Variants in CHST8 observed in about 807,000 individuals in gnomAD.
CHST8 encodes the protein GALNAC-4-ST1.
A neutral mutation model predicts 15.0 loss-of-function variants in CHST8; 10 were observed. The ratio of observed to expected loss-of-function variants is 0.67; its 90% CI spans 0.41 to 1.13. The LOEUF is 1.13. CHST8 is among the 50% of genes most tolerant of loss of function. CHST8 has a pLI of 0.00. For synonymous variants in CHST8, 259 were observed against 256.6 expected (o/e 1.01, Z -0.09); for missense variants, 634 against 608.2 (o/e 1.04, Z -0.45).
At chr19:33,770,494 T>C (rs1346105506) in intron 3 of CHST8, among the ~76,000 whole-genome samples, 4 of 152,254 alleles carry the variant, frequency 2.6e-5, no homozygotes, top group South Asian at 4.1e-4. Flanking sequence ...TCTAAATAGA[T>C]TCCCCCCAAA....
chr19:33,712,102 T>C (rs936634744), intron 3 of CHST8, among the ~76,000 whole-genome samples: 3 of 152,172 alleles, frequency 2.0e-5, no homozygotes, highest in Non-Finnish European at 4.4e-5. Flanking sequence ...AAAAACCAAC[T>C]TTGGACTTTA....
At chr19:33,757,473 AG>A (rs1568358565) in intron 3 of CHST8, among the ~76,000 whole-genome samples, 11 of 49,010 alleles carry the variant, frequency 2.2e-4, no homozygotes, top group Admixed American at 4.3e-4. Flanking sequence ...AAAGAAAGAA[AG>A]AAAGAAAGAA....
chr19:33,770,388 C>A (rs1974951515), intron 3 of CHST8, among the ~76,000 whole-genome samples: 1 of 152,176 alleles, frequency 6.6e-6, no homozygotes, highest in Non-Finnish European at 1.5e-5. Context: ...TTTGGCAGAG[C>A]CTCAGGACGA....
intron 3 of CHST8, among the ~76,000 whole-genome samples, chr19:33,707,627 T>C (rs934031885): frequency 2.1e-4 from 32 of 152,334 alleles, no homozygotes; most frequent in African/African-American, 7.2e-4. Flanking sequence ...TATTATTCTA[T>C]TACATGGAAT....
At position 33,674,266 on chromosome 19, in the gene CHST8, G is replaced by A. The variant is rs561812116; in HGVS notation, c.-87+6423G>A. The stretch of plus-strand genomic sequence containing the variant: ...GCTGGCCTGTGAAGGGGCCCTGTCA[G>A]CTTATTGCCAGGTGCACTGTCACCT... On this transcript the variant is annotated intron_variant, in intron 2 of 4. Coordinates refer to ENST00000650847, the MANE Select transcript of CHST8 (RefSeq NM_001127895.2). Among the ~76,000 whole-genome samples, 20 of 152,306 alleles carry A rather than the reference G, an allele frequency of 1.3e-4. No homozygotes were observed. The South Asian group carries it at 3.3e-3, about 25-fold the overall frequency.
intron 1 of CHST8, among the ~76,000 whole-genome samples, chr19:33,651,211 T>A (rs1247903701): frequency 6.6e-6 from 1 of 152,204 alleles, no homozygotes; most frequent in Non-Finnish European, 1.5e-5. Flanking sequence ...CCTTTCTGTT[T>A]TCTACTGATT....
intron 1 of CHST8, among the ~76,000 whole-genome samples, chr19:33,622,837 G>A (rs1392249403): frequency 3.3e-5 from 5 of 152,180 alleles, no homozygotes; most frequent in Admixed American, 3.3e-4. Context: ...CCAGGGCACC[G>A]GCCTGTGAGT....
intron 3 of CHST8, among the ~76,000 whole-genome samples, chr19:33,729,496 T>C (rs1259372506): frequency 6.6e-6 from 1 of 152,236 alleles, no homozygotes; most frequent in Non-Finnish European, 1.5e-5. Context: ...TGTTAGACGC[T>C]AGCCTCCAAG....
intron 1 of CHST8, among the ~76,000 whole-genome samples, chr19:33,659,780 C>A (rs1972562219): frequency 6.6e-6 from 1 of 152,098 alleles, no homozygotes; most frequent in African/African-American, 2.4e-5. Flanking sequence ...CCCTGCACTC[C>A]AGCCTGGGTG....
At chr19:33,743,830 C>G (rs1223606955) in intron 3 of CHST8, among the ~76,000 whole-genome samples, 1 of 148,716 alleles carries the variant, frequency 6.7e-6, no homozygotes, top group Admixed American at 6.7e-5. Flanking sequence ...CTCACTCTGT[C>G]GACCAGGCTG....
chr19:33,627,479 C>G (rs977280310), intron 1 of CHST8, among the ~76,000 whole-genome samples: 48 of 152,088 alleles, frequency 3.2e-4, no homozygotes, highest in African/African-American at 1.0e-3. Context: ...TAAGACAGTC[C>G]GTATGCAGGC....
At chr19:33,764,720 C>T (rs370964936) in intron 3 of CHST8, among the ~76,000 whole-genome samples, 13 of 151,982 alleles carry the variant, frequency 8.6e-5, no homozygotes, top group African/African-American at 3.1e-4. Flanking sequence ...TAGGTTTCTG[C>T]GGAACAGGTG....
intron 3 of CHST8, among the ~76,000 whole-genome samples, chr19:33,701,310 G>T (rs1410279984): frequency 2.0e-5 from 3 of 152,134 alleles, no homozygotes; most frequent in Admixed American, 1.3e-4. Context: ...TCCTGCAGAA[G>T]ACACCCTGGG....
At chr19:33,701,803 G>A (rs1006950123) in intron 3 of CHST8, among the ~76,000 whole-genome samples, 15 of 152,284 alleles carry the variant, frequency 9.9e-5, no homozygotes, top group African/African-American at 2.9e-4. Flanking sequence ...CGCCCTCCTC[G>A]GCAGGCGTCT....
At chr19:33,648,944 T>C (rs1418053473) in intron 1 of CHST8, among the ~76,000 whole-genome samples, 2 of 143,586 alleles carry the variant, frequency 1.4e-5, no homozygotes, top group South Asian at 2.3e-4. Flanking sequence ...CGCTTTGTCA[T>C]CCAGGCTGGA....
chr19:33,672,266 C>T (rs924666974), intron 2 of CHST8, among the ~76,000 whole-genome samples: 6 of 152,040 alleles, frequency 3.9e-5, no homozygotes, highest in African/African-American at 1.5e-4. Flanking sequence ...AGTGCAATCT[C>T]AGCTCACAGC....
intron 3 of CHST8, among the ~76,000 whole-genome samples, chr19:33,705,452 C>T (rs575616158): frequency 2.0e-5 from 3 of 152,288 alleles, no homozygotes; most frequent in Admixed American, 6.5e-5. Context: ...TTCTGGGGAG[C>T]GCACCTAATT....
intron 1 of CHST8, among the ~76,000 whole-genome samples, chr19:33,641,991 A>G (rs1323058334): frequency 6.6e-6 from 1 of 152,188 alleles, no homozygotes; most frequent in Non-Finnish European, 1.5e-5. Context: ...AAGAATTTGG[A>G]GTCCAGAACT....
At chr19:33,739,250 G>A (rs963819255) in intron 3 of CHST8, among the ~76,000 whole-genome samples, 15 of 151,950 alleles carry the variant, frequency 9.9e-5, no homozygotes, top group African/African-American at 2.7e-4. Flanking sequence ...ATCATCCTCC[G>A]TTGACCTCTC....
Sources: allele counts gnomAD v4.1 joint callset (sites outside exome capture counted in the v4.1 genomes callset), GRCh38; gene constraint gnomAD v4.1.1; transcripts MANE v1.5; gene names NCBI Gene and HGNC (gene_info 2026-07-23, HGNC 2026-07-21).